JADE2: variants seen among roughly 807,000 people sequenced by gnomAD.
The protein encoded by JADE2 is jade family PHD finger 2, also known as E3 ubiquitin-protein ligase Jade-2.
A neutral mutation model predicts 85.7 loss-of-function variants in JADE2; 13 were observed. The ratio of observed to expected loss-of-function variants is 0.15; its 90% CI spans 0.10 to 0.24. JADE2 has a LOEUF of 0.24. JADE2 is among the 10% of genes least tolerant of loss of function. The pLI is 1.00. For synonymous variants in JADE2, 440 were observed against 456.1 expected, an observed-to-expected ratio of 0.96 and a Z score of 0.45; for missense variants, 846 against 1,115.9, an observed-to-expected ratio of 0.76 and a Z score of 3.45.
chr5:134,540,657 T>A (rs1490986161), intron 3 of JADE2, among the ~76,000 whole-genome samples: 1 of 152,186 alleles, frequency 6.6e-6, no homozygotes, highest in Admixed American at 6.5e-5. Flanking sequence ...ATTTCAGACA[T>A]GAAGAACCTG....
rs777491478 is a variant in JADE2, at chr5:134,579,040, C to T, written c.2228C>T (p.Ala743Val). 6.2e-6 allele frequency: 10 copies of T among 1,614,010 alleles called. No homozygotes were observed. The highest frequency in any genetic ancestry group is 2.2e-5 in the East Asian group (1 of 44,888). Reference protein sequence around the residue: ...ADSDVQVPGPAASPKPLGRLR... With the variant: ...ADSDVQVPGPVASPKPLGRLR... Reference sequence around the variant, plus strand: ...TCAGATGTCCAAGTGCCTGGCCCTGCAGCAAGCCCTAAGCCTTTGGGCCGG... The same window carrying T: ...TCAGATGTCCAAGTGCCTGGCCCTGTAGCAAGCCCTAAGCCTTTGGGCCGG... The change falls in exon 12 of 12, where the codon GCA becomes GTA. Residue 743 changes from alanine to valine, a missense_variant. By Grantham distance (64) the Ala-to-Val change is moderately conservative. This residue lies in a region of JADE2 where 300 missense variants were observed against 300.7 expected (regional missense o/e 1.00). Transcript: ENST00000681547. This position sits in a 1 kb window ranked among gnomAD's most constrained non-coding sequence, Gnocchi z 4.6.
chr5:134,526,675 G>A, intron 1 of JADE2: 3 of 985,560 alleles, frequency 3.0e-6, no homozygotes, highest in Non-Finnish European at 2.4e-6. Context: ...GCTGCACGCG[G>A]GGGCAGCATG....
intron 1 of JADE2, among the ~76,000 whole-genome samples, chr5:134,528,644 G>T (rs1049000035): frequency 8.5e-5 from 13 of 152,194 alleles, no homozygotes; most frequent in Non-Finnish European, 1.9e-4. Flanking sequence ...AGCCCTCTAG[G>T]TTGCCCCAAG....
chr5:134,547,020 T>C (rs1372355899), intron 3 of JADE2, among the ~76,000 whole-genome samples: 1 of 152,204 alleles, frequency 6.6e-6, no homozygotes, highest in Non-Finnish European at 1.5e-5. Context: ...ACTGGCCATG[T>C]GGTTAGTGCA....
rs1764594550 is a variant in JADE2 at position 134,579,477 on chromosome 5, A to G, written c.*160A>G. ...ATATAGAGAGAGTTTTGAATTCTAC[A>G]CTGTTGTCTTTCCTCTGTGCTGGCC... On this transcript the variant is annotated 3_prime_UTR_variant, in exon 12 of 12. Coordinates refer to ENST00000681547, the MANE Select transcript of JADE2 (RefSeq NM_001388185.1). This position sits in a 1 kb window ranked among gnomAD's most constrained non-coding sequence, Gnocchi z 4.6. 1 of 616,426 alleles carries G rather than the reference A, an allele frequency of 1.6e-6. No homozygotes were observed. Among genetic ancestry groups the G allele is most frequent in the Non-Finnish European group, 2.8e-6 (1 of 355,210 alleles). The allele number at this position is 616,426 out of a possible 1,614,324, so 38.2% of individuals were successfully genotyped here.
At chr5:134,559,100 C>A (rs1763166680) in intron 4 of JADE2, among the ~76,000 whole-genome samples, 2 of 152,174 alleles carry the variant, frequency 1.3e-5, no homozygotes, top group Admixed American at 1.3e-4. Flanking sequence ...CCGGGTAACA[C>A]TGTGTAGCAG....
At position 134,566,219 on chromosome 5, in the gene JADE2, A is replaced by C; in HGVS notation, c.1073A>C (p.Lys358Thr). Residue 358 changes from lysine (K) to threonine (T), a missense_variant, in exon 9 of 12, where the codon AAG becomes ACG. Around this residue, in one of 9 missense-constraint regions of JADE2, gnomAD observed 39 missense variants for 37.6 expected, o/e 1.04. Coordinates refer to ENST00000681547, the MANE Select transcript of JADE2 (RefSeq NM_001388185.1). The surrounding 1 kb of genome is among the most constrained non-coding windows in gnomAD (Gnocchi z 6.7). ...GCAGACAACGATGAGGTCAAGTTCA[A>C]GTCATTCTGCCAGGAGCACAGTGAC... ...ILADNDEVKF[K>T]SFCQEHSDGG... 6.2e-7 allele frequency: 1 copy of C among 1,614,138 alleles called. No individual in the cohort carries two copies. The highest frequency in any genetic ancestry group is 1.1e-5 in the South Asian group (1 of 91,088).
At chr5:134,553,074 G>A (rs1762693561) in intron 4 of JADE2, among the ~76,000 whole-genome samples, 1 of 133,794 alleles carries the variant, frequency 7.5e-6, no homozygotes, top group African/African-American at 2.8e-5. Flanking sequence ...GCTCACTGCA[G>A]CCTCGACCTC....
chr5:134,578,806 C>T lies in JADE2; in HGVS notation c.1994C>T (p.Pro665Leu), dbSNP rs775187644. ...GACGGGCCTGGTTCACGGACGACTCCAGACAAAGCCCCCAAGAAGACCTGG... is the reference window on the plus strand; with the variant it reads ...GACGGGCCTGGTTCACGGACGACTCTAGACAAAGCCCCCAAGAAGACCTGG... ...PQDGPGSRTT[P>L]DKAPKKTWGQ... The change falls in exon 12 of 12, where the codon CCA becomes CTA. Residue 665 changes from proline to leucine, a missense_variant. Physicochemically the swap from Pro to Leu is moderately conservative, Grantham distance 98. Transcript: ENST00000681547. This position sits in a 1 kb window ranked among gnomAD's most constrained non-coding sequence, Gnocchi z 4.4. 1.2e-6 allele frequency: 2 copies of T among 1,613,786 alleles called. No homozygotes were observed. Among genetic ancestry groups the T allele is most frequent in the Non-Finnish European group, 1.7e-6 (2 of 1,180,018 alleles).
At position 134,576,856 on chromosome 5, in the gene JADE2, G is replaced by A; in HGVS notation, c.1641G>A (p.Glu547=). Residue 547 remains glutamate, a synonymous_variant, in exon 11 of 12, where the codon GAG becomes GAA. Transcript: ENST00000681547. ...CCAAGGGCAGCACTGAGAAGAAAGA[G>A]AAAGTGAAGGCGGGGCCTGACTCAG... The part of the protein sequence containing the change: ...EGSKGSTEKK[E]KVKAGPDSVL... The A allele has an allele frequency of 2.6e-6, 4 of 1,549,980 alleles. No homozygotes were observed. Among genetic ancestry groups the A allele is most frequent in the Non-Finnish European group, 3.5e-6 (4 of 1,146,636 alleles).
chr5:134,559,531 G>A (rs764617985), intron 4 of JADE2, among the ~76,000 whole-genome samples: 13 of 152,240 alleles, frequency 8.5e-5, no homozygotes, highest in Non-Finnish European at 1.8e-4. Flanking sequence ...CTCTGGGCAG[G>A]TGGATGTTTA....
intron 10 of JADE2, chr5:134,575,643 C>T (rs904128344): frequency 6.6e-6 from 1 of 151,368 alleles, no homozygotes; most frequent in Admixed American, 6.6e-5. Context: ...CACAGTGGCT[C>T]ATGCCTAAAA....
intron 3 of JADE2, among the ~76,000 whole-genome samples, chr5:134,542,648 G>A (rs1324423718): frequency 6.6e-6 from 1 of 151,894 alleles, no homozygotes; most frequent in Non-Finnish European, 1.5e-5. Flanking sequence ...CTCCACGTTG[G>A]TCAGGGTGGT....
At chr5:134,527,008 C>G (rs35228972) in intron 1 of JADE2, among the ~76,000 whole-genome samples, 26,561 of 152,238 alleles carry the variant, frequency 0.17, 2,530 homozygotes, top group Middle Eastern at 0.23. Flanking sequence ...CCCCAGCCCT[C>G]TGCCTAGGGC....
At chr5:134,559,464 C>T (rs1763191119) in intron 4 of JADE2, among the ~76,000 whole-genome samples, 1 of 152,214 alleles carries the variant, frequency 6.6e-6, no homozygotes, top group Admixed American at 6.5e-5. Flanking sequence ...GTGTTAGATC[C>T]AAACTGCTGG....
At chr5:134,538,821 C>G (rs1233240028) in intron 3 of JADE2, among the ~76,000 whole-genome samples, 3 of 151,070 alleles carry the variant, frequency 2.0e-5, no homozygotes, top group Non-Finnish European at 2.9e-5. Flanking sequence ...GCTGCAGAAG[C>G]TTGGAGAGAT....
Position 134,578,878 on chromosome 5 carries a change from G to A in JADE2, c.2066G>A (p.Arg689Lys), listed in dbSNP as rs73788688. ...AAGGGGGGTCAAGGGCCACCTACCA[G>A]GAAGCCACCACGTCGGACATCTTCT... ...SGKGGQGPPT[R>K]KPPRRTSSHL... The change falls in exon 12 of 12, where the codon AGG (arginine) becomes AAG (lysine). Residue 689 changes from arginine to lysine, a missense_variant. This residue lies in a region of JADE2 where 300 missense variants were observed against 300.7 expected (regional missense o/e 1.00). Coordinates refer to ENST00000681547, the MANE Select transcript of JADE2 (RefSeq NM_001388185.1). The surrounding 1 kb of genome is among the most constrained non-coding windows in gnomAD (Gnocchi z 4.4). 402 of 1,613,836 alleles carry A rather than the reference G, an allele frequency of 2.5e-4. No individual in the cohort carries two copies. The African/African-American group carries it at 4.8e-3, about 19-fold the overall frequency.
intron 9 of JADE2, among the ~76,000 whole-genome samples, chr5:134,573,347 G>C (rs1364337455): frequency 6.6e-6 from 1 of 152,206 alleles, no homozygotes; most frequent in African/African-American, 2.4e-5. Context: ...ACTCAGAGGA[G>C]GAAGGTGGGC....
At chr5:134,535,433 T>C (rs936877540) in intron 1 of JADE2, among the ~76,000 whole-genome samples, 58 of 152,150 alleles carry the variant, frequency 3.8e-4, no homozygotes, top group African/African-American at 1.4e-3. Flanking sequence ...CCTGGAAGAA[T>C]CAGTCTTGTT....
Sources: allele counts gnomAD v4.1 joint callset (sites outside exome capture counted in the v4.1 genomes callset), GRCh38; gene constraint gnomAD v4.1.1; regional missense constraint gnomAD v4.1.1; non-coding constraint Gnocchi (gnomAD v3.1); transcripts MANE v1.5; gene names NCBI Gene and HGNC (gene_info 2026-07-23, HGNC 2026-07-21).